Variants in C12orf42 observed in about 807,000 individuals in gnomAD.
The protein encoded by C12orf42 is chromosome 12 open reading frame 42, also known as uncharacterized protein C12orf42.
C12orf42 carries 25 observed loss-of-function variants against 21.6 expected under a neutral mutation model. The observed-to-expected ratio is 1.16, with a 90% CI of 0.84 to 1.62. The LOEUF is 1.62. Among genes scored for constraint, C12orf42 ranks in the 40% most tolerant of loss-of-function variants. The pLI is 0.00. For missense variants in C12orf42, 483 were observed against 459.3 expected (o/e 1.05, Z -0.47); for synonymous variants, 174 against 175.0 (o/e 0.99, Z 0.05).
At chr12:103,169,351 C>T in the C12orf42 span, among the ~76,000 whole-genome samples, 1 of 151,770 alleles carries the variant, frequency 6.6e-6, no homozygotes, top group African/African-American at 2.4e-5. Context: ...ACCGAGAGAC[C>T]CATTCCGAAC....
chr12:103,104,225 A>G, the C12orf42 span, among the ~76,000 whole-genome samples: 1 of 152,220 alleles, frequency 6.6e-6, no homozygotes, highest in Non-Finnish European at 1.5e-5. Context: ...TACAGAGCCC[A>G]TTCCTGGATA....
intron 4 of C12orf42, among the ~76,000 whole-genome samples, chr12:103,287,194 C>T (rs1175616110): frequency 2.6e-5 from 4 of 152,162 alleles, no homozygotes; most frequent in Non-Finnish European, 4.4e-5. Flanking sequence ...CCCAGCCATC[C>T]CATTACTGGG....
At chr12:103,436,468 A>G (rs1438882003) in intron 2 of C12orf42, among the ~76,000 whole-genome samples, 3 of 152,092 alleles carry the variant, frequency 2.0e-5, no homozygotes, top group African/African-American at 2.4e-5. Flanking sequence ...AATTGGATAA[A>G]GAGTCAAGAC....
At chr12:103,221,098 A>G in the C12orf42 span, among the ~76,000 whole-genome samples, 2 of 152,224 alleles carry the variant, frequency 1.3e-5, no homozygotes, top group Non-Finnish European at 2.9e-5. Flanking sequence ...TTCAGGAAAT[A>G]CTTGTCTTAT....
chr12:103,058,260 G>C, the C12orf42 span, among the ~76,000 whole-genome samples: 1 of 152,084 alleles, frequency 6.6e-6, no homozygotes, highest in Non-Finnish European at 1.5e-5. Flanking sequence ...CGGCCGATGA[G>C]CTTTTTTTCA....
At chr12:103,331,994 T>C (rs1485138170) in intron 4 of C12orf42, among the ~76,000 whole-genome samples, 1 of 152,100 alleles carries the variant, frequency 6.6e-6, no homozygotes, top group East Asian at 1.9e-4. Context: ...AGGACCTTGA[T>C]TAATAGAAAT....
At chr12:103,169,386 T>C in the C12orf42 span, among the ~76,000 whole-genome samples, 3 of 151,800 alleles carry the variant, frequency 2.0e-5, no homozygotes, top group Non-Finnish European at 4.4e-5. Flanking sequence ...CAAGGGAGCT[T>C]TTCTCTTTTG....
At chr12:103,468,048 T>A (rs1953285562) in intron 2 of C12orf42, among the ~76,000 whole-genome samples, 1 of 152,202 alleles carries the variant, frequency 6.6e-6, no homozygotes, top group African/African-American at 2.4e-5. Flanking sequence ...CAAACCTTAA[T>A]TAATAAATCC....
chr12:103,277,064 TA>T, intron 5 of C12orf42: 1 of 451,012 alleles, frequency 2.2e-6, no homozygotes, highest in Non-Finnish European at 4.4e-6. Context: ...GTGCTATTAC[TA>T]ATCAAGTTTG....
At chr12:103,339,437 T>C (rs913272392) in intron 4 of C12orf42, among the ~76,000 whole-genome samples, 1 of 152,202 alleles carries the variant, frequency 6.6e-6, no homozygotes, top group African/African-American at 2.4e-5. Flanking sequence ...AACTACTACT[T>C]GTGAGACCTT....
At chr12:103,076,287 G>C in the C12orf42 span, among the ~76,000 whole-genome samples, 1 of 149,952 alleles carries the variant, frequency 6.7e-6, no homozygotes, top group Admixed American at 6.7e-5. Context: ...GATTACCCAA[G>C]CCTTTTTTTT....
intron 2 of C12orf42, among the ~76,000 whole-genome samples, chr12:103,474,330 C>T (rs555117389): frequency 6.6e-6 from 1 of 152,182 alleles, no homozygotes; most frequent in East Asian, 1.9e-4. Flanking sequence ...TTGTAGAGTG[C>T]CATTTGACCC....
chr12:103,394,596 T>A (rs934057370), intron 3 of C12orf42, among the ~76,000 whole-genome samples: 2 of 152,202 alleles, frequency 1.3e-5, no homozygotes, highest in Non-Finnish European at 2.9e-5. Context: ...CACGAAACCA[T>A]TGAACATAAT....
chr12:103,443,254 G>C (rs561726365), intron 2 of C12orf42, among the ~76,000 whole-genome samples: 2 of 152,232 alleles, frequency 1.3e-5, no homozygotes, highest in African/African-American at 4.8e-5. Context: ...GAACAACAAA[G>C]GCAGAAGAGG....
At chr12:103,398,436 C>T (rs77024226) in intron 3 of C12orf42, among the ~76,000 whole-genome samples, 8,983 of 152,076 alleles carry the variant, frequency 0.059, 257 homozygotes, top group Middle Eastern at 0.12. Flanking sequence ...TTAGTATTTG[C>T]TCTCCAAATA....
the C12orf42 span, among the ~76,000 whole-genome samples, chr12:103,163,975 G>T: frequency 4.6e-5 from 7 of 152,130 alleles, no homozygotes; most frequent in African/African-American, 9.7e-5. Flanking sequence ...GAGTTGGGGG[G>T]TCCAAACTAG....
At chr12:103,363,037 A>G (rs2044253099) in intron 4 of C12orf42, among the ~76,000 whole-genome samples, 1 of 152,104 alleles carries the variant, frequency 6.6e-6, no homozygotes, top group South Asian at 2.1e-4. Context: ...TCACCTAGGC[A>G]CATTGTCATT....
intron 4 of C12orf42, among the ~76,000 whole-genome samples, chr12:103,335,934 G>A (rs2041653559): frequency 6.6e-6 from 1 of 152,102 alleles, no homozygotes. Context: ...ATATCTGCAT[G>A]GCCCTCTAGA....
At chr12:103,138,246 C>T in the C12orf42 span, among the ~76,000 whole-genome samples, 7 of 152,278 alleles carry the variant, frequency 4.6e-5, no homozygotes, top group African/African-American at 1.7e-4. Context: ...TGTATCCCCA[C>T]CCAAATCTCA....
Sources: gnomAD v4.1 joint callset for allele counts (sites outside exome capture counted in the v4.1 genomes callset) on GRCh38, gnomAD v4.1.1 for gene constraint, MANE v1.5 for transcripts, NCBI Gene and HGNC (gene_info 2026-07-23, HGNC 2026-07-21) for gene names.